Variants in KLRD1 observed in about 807,000 individuals in gnomAD.
KLRD1 encodes natural killer cells antigen CD94.
Under a neutral mutation model 22.6 loss-of-function variants are expected in KLRD1, and 21 were observed. That is an observed-to-expected ratio of 0.93 (90% confidence interval 0.66 to 1.34). KLRD1 has a LOEUF of 1.34. KLRD1 is among the 40% of genes most tolerant of loss of function. The pLI is 0.00. For synonymous variants in KLRD1, 59 were observed against 71.1 expected (o/e 0.83, Z 0.85); for missense variants, 183 against 208.6 (o/e 0.88, Z 0.76).
In KLRD1 at chr12:10,320,830, T is replaced by G. The variant is rs1053823581; in HGVS notation, c.*6037T>G. 5 of 152,074 alleles carry G rather than the reference T, an allele frequency of 3.3e-5. No individual in the cohort carries two copies. Among genetic ancestry groups the G allele is most frequent in the African/African-American group, 4.8e-5 (2 of 41,416 alleles). 9.4% of individuals were successfully genotyped at this position (152,074 alleles called of 1,614,324 possible). On this transcript the variant is annotated 3_prime_UTR_variant, in exon 6 of 6. Transcript: ENST00000336164. The stretch of plus-strand genomic sequence containing the variant: ...TCAGTCAGATGAAGATCTATAAAGG[T>G]CAAATAATAGGGCTTCTAGGAAGCC...
chr12:10,277,573 T>C (rs1248645931), intron 1 of KLRD1, among the ~76,000 whole-genome samples: 1 of 152,182 alleles, frequency 6.6e-6, no homozygotes, highest in Non-Finnish European at 1.5e-5. Context: ...TGTTATGATA[T>C]GCAAACAGCC....
chr12:10,305,575 G>T (rs998235041), upstream of KLRD1, among the ~76,000 whole-genome samples: 17 of 152,082 alleles, frequency 1.1e-4, no homozygotes, highest in South Asian at 2.1e-4. Context: ...CTGACTTTAG[G>T]GCTGAGACTG....
Position 10,326,618 on chromosome 12 carries a change from C to A in KLRD1, c.*11825C>A, listed in dbSNP as rs1384909890. The A allele has an allele frequency of 6.6e-6, 1 of 151,970 alleles. No homozygotes were observed. Among genetic ancestry groups the A allele is most frequent in the Non-Finnish European group, 1.5e-5 (1 of 68,022 alleles). 9.4% of individuals were successfully genotyped at this position (151,970 alleles called of 1,614,324 possible). ...TTCTGATTAGCCTTTCCAAAGGAGGCAATCAGATATGCATTTATCTCAGTG... is the reference window on the plus strand; with the variant it reads ...TTCTGATTAGCCTTTCCAAAGGAGGAAATCAGATATGCATTTATCTCAGTG... On this transcript the variant is annotated 3_prime_UTR_variant, in exon 6 of 6. Transcript: ENST00000336164.
upstream of KLRD1, among the ~76,000 whole-genome samples, chr12:10,307,174 A>G (rs1423851837): frequency 6.6e-6 from 1 of 152,222 alleles, no homozygotes; most frequent in Non-Finnish European, 1.5e-5. Context: ...AAGTATCAGT[A>G]TAGTATCTGA....
intron 1 of KLRD1, among the ~76,000 whole-genome samples, chr12:10,239,434 T>TTCC (rs59390706): frequency 0.079 from 3,275 of 41,322 alleles, 313 homozygotes; most frequent in East Asian, 0.17. Context: ...CCTTCCTTCC[T>TTCC]TTCCTTCCTT....
At position 10,259,957 on chromosome 12, in the gene KLRD1, C is replaced by G. The variant is rs191285568; in HGVS notation, c.-101+33724C>G. Among the ~76,000 whole-genome samples the G allele has an allele frequency of 6.8e-4, 104 of 152,214 alleles. 1 individual carries two copies. Among genetic ancestry groups the G allele is most frequent in the Non-Finnish European group, 2.1e-4 (14 of 68,014 alleles). The stretch of plus-strand genomic sequence containing the variant: ...CTCTAGCCTGGGCGACAGAGTGAGA[C>G]TCCATCAAAACAAAACAAACAAAAC... On this transcript the variant is annotated intron_variant, in intron 1 of 5. Coordinates refer to the KLRD1 transcript ENST00000544747.
chr12:10,299,683 G>C (rs886603205), upstream of KLRD1, among the ~76,000 whole-genome samples: 4 of 152,078 alleles, frequency 2.6e-5, no homozygotes, highest in Admixed American at 1.3e-4. Context: ...GTTGCTGAAG[G>C]CTAGGAGGCT....
chr12:10,283,092 TAA>T (rs1379449383), intron 1 of KLRD1, among the ~76,000 whole-genome samples: 1 of 152,210 alleles, frequency 6.6e-6, no homozygotes, highest in Non-Finnish European at 1.5e-5. Flanking sequence ...TGGAGAAATC[TAA>T]GAGTCCGTCA....
Position 10,316,522 on chromosome 12 carries a change from C to A in KLRD1, c.*1729C>A, listed in dbSNP as rs909007902. 6.7e-6 allele frequency: 1 copy of A among 149,496 alleles called. No homozygotes were observed. Among genetic ancestry groups the A allele is most frequent in the Non-Finnish European group, 1.5e-5 (1 of 68,030 alleles). The allele number at this position is 149,496 out of a possible 1,614,324, so 9.3% of individuals were successfully genotyped here. On this transcript the variant is annotated 3_prime_UTR_variant, in exon 6 of 6. Transcript: ENST00000336164. The stretch of plus-strand genomic sequence containing the variant: ...GGCTCAAGGGATCCTCCCACCTCAG[C>A]CTTCTGAGTACTTGGGACTCAGGTG...
chr12:10,263,031 C>T (rs547472085), intron 1 of KLRD1, among the ~76,000 whole-genome samples: 7 of 152,030 alleles, frequency 4.6e-5, no homozygotes, highest in Non-Finnish European at 1.0e-4. Context: ...ACGTAGTGTA[C>T]GTCTAATCAG....
intron 1 of KLRD1, among the ~76,000 whole-genome samples, chr12:10,288,612 A>G (rs1949734056): frequency 6.6e-6 from 1 of 152,176 alleles, no homozygotes; most frequent in African/African-American, 2.4e-5. Flanking sequence ...TACTATCAAT[A>G]TCATAGGGTT....
At chr12:10,247,048 T>A (rs1438984457) in intron 1 of KLRD1, among the ~76,000 whole-genome samples, 1 of 151,392 alleles carries the variant, frequency 6.6e-6, no homozygotes, top group African/African-American at 2.4e-5. Flanking sequence ...TTCTCCTGCC[T>A]TAGCCTCTCG....
intron 1 of KLRD1, chr12:10,308,730 G>A (rs1226003344): frequency 1.3e-5 from 2 of 153,246 alleles, no homozygotes; most frequent in Non-Finnish European, 2.9e-5. Context: ...AGTCCAGAAT[G>A]TTCCTATGTC....
chr12:10,265,710 TCATGCCA>T (rs1254094931), intron 1 of KLRD1, among the ~76,000 whole-genome samples: 1 of 152,194 alleles, frequency 6.6e-6, no homozygotes, highest in African/African-American at 2.4e-5. Context: ...TGAGCCAAGA[TCATGCCA>T]CTGCACTGTA....
chr12:10,242,538 C>T (rs183902284), intron 1 of KLRD1, among the ~76,000 whole-genome samples: 163 of 152,196 alleles, frequency 1.1e-3, no homozygotes, highest in African/African-American at 3.7e-3. Context: ...GATTTCAATT[C>T]GTTTGGATGT....
rs1367382505 is a variant in KLRD1, at chr12:10,327,711, A to C, written c.*12918A>C. 6.6e-6 allele frequency: 1 copy of C among 152,190 alleles called. No homozygotes were observed. Among genetic ancestry groups the C allele is most frequent in the African/African-American group, 2.4e-5 (1 of 41,454 alleles). The allele number at this position is 152,190 out of a possible 1,614,324, so 9.4% of individuals were successfully genotyped here. A position where few individuals can be genotyped will look rare whatever the true frequency, so the allele number is the denominator to read the frequency against. ...TTTAAGTAGGACAAGGGTTAAATAG[A>C]AATGGCAAGTGCAAACATCCTTGCC... On this transcript the variant is annotated 3_prime_UTR_variant, in exon 6 of 6. Transcript: ENST00000336164.
intron 1 of KLRD1, among the ~76,000 whole-genome samples, chr12:10,264,174 G>T (rs1019173598): frequency 3.2e-4 from 48 of 151,978 alleles, no homozygotes; most frequent in Admixed American, 3.1e-3. Flanking sequence ...GTTCATTTAT[G>T]CTAAACCATT....
chr12:10,266,948 T>C (rs1333377077), intron 1 of KLRD1, among the ~76,000 whole-genome samples: 1 of 150,740 alleles, frequency 6.6e-6, no homozygotes, highest in Non-Finnish European at 1.5e-5. Flanking sequence ...TTTTTCTTAT[T>C]ATACTTTAAG....
intron 1 of KLRD1, among the ~76,000 whole-genome samples, chr12:10,288,918 T>TA (rs1468235463): frequency 6.6e-6 from 1 of 152,200 alleles, no homozygotes; most frequent in Non-Finnish European, 1.5e-5. Flanking sequence ...GTTAGTCTGA[T>TA]AGAGTTTTAC....
Sources: allele counts gnomAD v4.1 joint callset (sites outside exome capture counted in the v4.1 genomes callset), GRCh38; gene constraint gnomAD v4.1.1; transcripts MANE v1.5; gene names NCBI Gene and HGNC (gene_info 2026-07-23, HGNC 2026-07-21).